Variants in ABTB3 observed in about 807,000 individuals in gnomAD.
ABTB3 encodes the protein ankyrin repeat- and BTB/POZ domain-containing protein 3.
At chr12:107,363,915 T>C in the ABTB3 span, among the ~76,000 whole-genome samples, 5 of 152,366 alleles carry the variant, frequency 3.3e-5, no homozygotes, top group South Asian at 2.1e-4. Context: ...CTGTACCCTC[T>C]AGCTATATGA....
the ABTB3 span, among the ~76,000 whole-genome samples, chr12:107,480,217 A>G: frequency 6.6e-6 from 1 of 152,184 alleles, no homozygotes; most frequent in Non-Finnish European, 1.5e-5. Context: ...AGCATTAGCT[A>G]AAGTATAGGT....
chr12:107,360,703 C>T, the ABTB3 span, among the ~76,000 whole-genome samples: 7 of 152,122 alleles, frequency 4.6e-5, no homozygotes, highest in Non-Finnish European at 8.8e-5. Flanking sequence ...AGGCAACAAG[C>T]GAAGGTTGTG....
chr12:107,461,526 C>T, the ABTB3 span, among the ~76,000 whole-genome samples: 1 of 137,394 alleles, frequency 7.3e-6, no homozygotes, highest in Non-Finnish European at 1.6e-5. Flanking sequence ...TTGCTGGCAC[C>T]TTGCTTTTGG....
At chr12:107,653,066 A>C in the ABTB3 span, among the ~76,000 whole-genome samples, 11 of 152,258 alleles carry the variant, frequency 7.2e-5, no homozygotes, top group African/African-American at 2.6e-4. Context: ...GAGCCATCGC[A>C]CCCAGCCAAG....
At chr12:107,370,701 G>A in the ABTB3 span, among the ~76,000 whole-genome samples, 1 of 151,552 alleles carries the variant, frequency 6.6e-6, no homozygotes, top group Non-Finnish European at 1.5e-5. Context: ...TTGGTTGAAA[G>A]GCCATGCAAA....
chr12:107,475,756 G>A, the ABTB3 span, among the ~76,000 whole-genome samples: 1 of 152,050 alleles, frequency 6.6e-6, no homozygotes, highest in African/African-American at 2.4e-5. Context: ...AAGAGGTCAA[G>A]AATAAAGCTG....
the ABTB3 span, among the ~76,000 whole-genome samples, chr12:107,482,152 G>T: frequency 2.0e-5 from 3 of 152,100 alleles, no homozygotes. Flanking sequence ...AGTAGACACT[G>T]GATGGGCCAA....
the ABTB3 span, among the ~76,000 whole-genome samples, chr12:107,412,829 T>C: frequency 6.6e-6 from 1 of 151,998 alleles, no homozygotes; most frequent in Non-Finnish European, 1.5e-5. Context: ...TTACCTCATT[T>C]GATAGCCCCC....
At chr12:107,644,108 A>G in the ABTB3 span, among the ~76,000 whole-genome samples, 1 of 152,276 alleles carries the variant, frequency 6.6e-6, no homozygotes, top group Non-Finnish European at 1.5e-5. Flanking sequence ...AGGCCCAGAG[A>G]AGCTAAATGA....
the ABTB3 span, among the ~76,000 whole-genome samples, chr12:107,628,057 C>T: frequency 2.0e-5 from 3 of 152,170 alleles, no homozygotes; most frequent in Admixed American, 1.3e-4. Flanking sequence ...CTCCACCTGC[C>T]TCCACCTTTC....
At chr12:107,521,314 C>T in the ABTB3 span, among the ~76,000 whole-genome samples, 2 of 146,528 alleles carry the variant, frequency 1.4e-5, no homozygotes, top group Non-Finnish European at 3.0e-5. Context: ...TATAAGGTTA[C>T]CATGGCCTTC....
chr12:107,425,797 G>C, the ABTB3 span, among the ~76,000 whole-genome samples: 1 of 152,166 alleles, frequency 6.6e-6, no homozygotes. Context: ...GCTAGCACAC[G>C]GCCAGGCACG....
At chr12:107,348,617 C>T in the ABTB3 span, among the ~76,000 whole-genome samples, 1 of 152,160 alleles carries the variant, frequency 6.6e-6, no homozygotes, top group East Asian at 1.9e-4. Context: ...CCCAGCTACT[C>T]GAGAGGCTGA....
chr12:107,384,069 C>T, the ABTB3 span, among the ~76,000 whole-genome samples: 1 of 152,022 alleles, frequency 6.6e-6, no homozygotes, highest in Non-Finnish European at 1.5e-5. Context: ...CACCTGCAGT[C>T]TCTATGGGAG....
At chr12:107,539,110 C>T in the ABTB3 span, among the ~76,000 whole-genome samples, 3 of 152,190 alleles carry the variant, frequency 2.0e-5, no homozygotes, top group African/African-American at 4.8e-5. Context: ...TAATGCTCAC[C>T]TTGTGTGGCT....
At chr12:107,505,149 T>G in the ABTB3 span, among the ~76,000 whole-genome samples, 1 of 152,172 alleles carries the variant, frequency 6.6e-6, no homozygotes, top group Non-Finnish European at 1.5e-5. Flanking sequence ...CATTCACCCC[T>G]AACTGCCCAT....
At chr12:107,412,985 T>C in the ABTB3 span, among the ~76,000 whole-genome samples, 2 of 152,248 alleles carry the variant, frequency 1.3e-5, no homozygotes, top group African/African-American at 4.8e-5. Flanking sequence ...GATTTTAATA[T>C]GCATTGAGGC....
the ABTB3 span, chr12:107,319,210 G>A: frequency 6.3e-7 from 1 of 1,588,034 alleles, no homozygotes; most frequent in African/African-American, 1.3e-5. Flanking sequence ...GCTCGCGGCT[G>A]CTGCCGGACC....
At chr12:107,526,747 T>A in the ABTB3 span, among the ~76,000 whole-genome samples, 1 of 152,196 alleles carries the variant, frequency 6.6e-6, no homozygotes, top group Admixed American at 6.5e-5. Context: ...GACCATTAAT[T>A]TACAACTGTA....
Sources: gnomAD v4.1 joint callset for allele counts (sites outside exome capture counted in the v4.1 genomes callset) on GRCh38, gnomAD v4.1.1 for gene constraint, MANE v1.5 for transcripts, NCBI Gene and HGNC (gene_info 2026-07-23, HGNC 2026-07-21) for gene names.